AGBL4: variants seen among roughly 807,000 people sequenced by gnomAD.
The protein encoded by AGBL4 is AGBL carboxypeptidase 4, also known as cytosolic carboxypeptidase 6.
AGBL4 carries 58 observed loss-of-function variants against 66.4 expected under a neutral mutation model. That is an observed-to-expected ratio of 0.87 (90% confidence interval 0.71 to 1.09). The LOEUF (loss-of-function observed/expected upper bound fraction) is 1.09. AGBL4 is among the 50% of genes least tolerant of loss of function. AGBL4 has a pLI of 0.00. For missense variants in AGBL4, 579 were observed against 631.0 expected (o/e 0.92, Z 0.88); for synonymous variants, 234 against 222.9 (o/e 1.05, Z -0.44).
intron 3 of AGBL4, among the ~76,000 whole-genome samples, chr1:49,576,959 T>G (rs1571086860): frequency 6.6e-6 from 1 of 152,320 alleles, no homozygotes; most frequent in East Asian, 1.9e-4. Flanking sequence ...TGGGCAGAAC[T>G]TTGAGCAGTG....
intron 3 of AGBL4, among the ~76,000 whole-genome samples, chr1:49,276,821 C>T (rs997467417): frequency 1.3e-5 from 2 of 152,136 alleles, no homozygotes; most frequent in Non-Finnish European, 2.9e-5. Flanking sequence ...AGGTTCTGCA[C>T]CCCACTGGGG....
At chr1:49,697,005 T>C (rs985756617) in intron 3 of AGBL4, among the ~76,000 whole-genome samples, 24 of 152,134 alleles carry the variant, frequency 1.6e-4, no homozygotes, top group African/African-American at 5.1e-4. Context: ...GTAAACATAA[T>C]AGCAAGTCTC....
intron 3 of AGBL4, among the ~76,000 whole-genome samples, chr1:49,274,077 T>A (rs1644117438): frequency 6.6e-6 from 1 of 152,206 alleles, no homozygotes; most frequent in Non-Finnish European, 1.5e-5. Flanking sequence ...TTTGATTATT[T>A]GGGAAACAGC....
At position 48,550,388 on chromosome 1, in the gene AGBL4, A is replaced by T. The variant is rs568367293; in HGVS notation, c.1268-10650T>A. Among the ~76,000 whole-genome samples the T allele has an allele frequency of 3.9e-5, 6 of 152,164 alleles. No individual in the cohort carries two copies. In the South Asian group the frequency reaches 1.2e-3, roughly 32 times the overall value. Reference sequence around the variant, plus strand: ...TTGGCATTCCTTGCTTTGTGATCATATCATTCCCATCTCTGCCCCCATGGT... The same window carrying T: ...TTGGCATTCCTTGCTTTGTGATCATTTCATTCCCATCTCTGCCCCCATGGT... On this transcript the variant is annotated intron_variant, in intron 11 of 13. Coordinates refer to ENST00000371839, the MANE Select transcript of AGBL4 (RefSeq NM_032785.4).
intron 4 of AGBL4, among the ~76,000 whole-genome samples, chr1:49,146,465 A>C (rs1646220300): frequency 6.6e-6 from 1 of 152,232 alleles, no homozygotes. Context: ...GGATCACAGA[A>C]TCCATGTGTC....
chr1:49,474,127 T>C (rs1646802678), intron 3 of AGBL4, among the ~76,000 whole-genome samples: 1 of 152,090 alleles, frequency 6.6e-6, no homozygotes, highest in African/African-American at 2.4e-5. Context: ...TTTAGTTCCA[T>C]ATGAACTTTA....
chr1:49,934,986 A>G (rs1653793943), intron 1 of AGBL4, among the ~76,000 whole-genome samples: 1 of 152,202 alleles, frequency 6.6e-6, no homozygotes, highest in African/African-American at 2.4e-5. Context: ...TGGGCACAGG[A>G]CAGTGGGTGC....
At chr1:49,971,438 C>T (rs1307761808) in intron 1 of AGBL4, among the ~76,000 whole-genome samples, 1 of 151,962 alleles carries the variant, frequency 6.6e-6, no homozygotes, top group East Asian at 1.9e-4. Context: ...GCTGGTAATT[C>T]AGATAAAAAG....
chr1:49,733,072 A>G (rs1649579903), intron 2 of AGBL4, among the ~76,000 whole-genome samples: 1 of 152,212 alleles, frequency 6.6e-6, no homozygotes, highest in Non-Finnish European at 1.5e-5. Flanking sequence ...AAAGAACCCC[A>G]ATAAGATTAA....
chr1:48,682,348 C>T (rs1381531234), intron 6 of AGBL4, among the ~76,000 whole-genome samples: 1 of 152,150 alleles, frequency 6.6e-6, no homozygotes, highest in Non-Finnish European at 1.5e-5. Flanking sequence ...GGAAAAGACT[C>T]CCTCAGTTTT....
intron 4 of AGBL4, among the ~76,000 whole-genome samples, chr1:49,088,538 A>G (rs1375691650): frequency 6.6e-6 from 1 of 152,198 alleles, no homozygotes; most frequent in Non-Finnish European, 1.5e-5. Flanking sequence ...ATTGAATTCA[A>G]CAAGAAGTTC....
At chr1:49,845,358 T>G (rs1646112671) in intron 2 of AGBL4, 1 of 1,421,242 alleles carries the variant, frequency 7.0e-7, no homozygotes, top group Admixed American at 1.7e-5. Flanking sequence ...AATCCTTCAG[T>G]TTTATGTCCT....
intron 2 of AGBL4, among the ~76,000 whole-genome samples, chr1:49,784,031 T>C (rs1644395761): frequency 6.6e-6 from 1 of 152,116 alleles, no homozygotes; most frequent in Non-Finnish European, 1.5e-5. Context: ...CTCATGGTCA[T>C]AGATCAAAAG....
chr1:49,425,293 G>A (rs1191309852), intron 3 of AGBL4, among the ~76,000 whole-genome samples: 1 of 151,986 alleles, frequency 6.6e-6, no homozygotes, highest in East Asian at 1.9e-4. Context: ...GTTAAAGAAA[G>A]GACCAAATTG....
chr1:49,795,534 C>G (rs904584505), intron 2 of AGBL4, among the ~76,000 whole-genome samples: 1 of 151,684 alleles, frequency 6.6e-6, no homozygotes, highest in East Asian at 1.9e-4. Flanking sequence ...CTGAAGTATT[C>G]CAGAGTTATG....
intron 2 of AGBL4, among the ~76,000 whole-genome samples, chr1:49,707,663 T>C (rs1010249464): frequency 6.6e-6 from 1 of 152,086 alleles, no homozygotes; most frequent in Non-Finnish European, 1.5e-5. Flanking sequence ...GTCTCTACAT[T>C]TTGGTATGGT....
chr1:49,824,157 C>T (rs1375114724), intron 2 of AGBL4, among the ~76,000 whole-genome samples: 1 of 152,058 alleles, frequency 6.6e-6, no homozygotes, highest in Non-Finnish European at 1.5e-5. Flanking sequence ...TGCAGTGAGC[C>T]GAGATCGCGC....
chr1:49,486,418 T>A (rs1053011423), intron 3 of AGBL4, among the ~76,000 whole-genome samples: 1 of 151,974 alleles, frequency 6.6e-6, no homozygotes, highest in Admixed American at 6.6e-5. Context: ...ACAAAGAATC[T>A]TAAAAACTCA....
intron 2 of AGBL4, among the ~76,000 whole-genome samples, chr1:49,713,524 G>C (rs1369867470): frequency 6.6e-6 from 1 of 151,848 alleles, no homozygotes; most frequent in East Asian, 1.9e-4. Context: ...AATAGTAGCT[G>C]TAATAAACTA....
Sources: allele counts gnomAD v4.1 joint callset (sites outside exome capture counted in the v4.1 genomes callset), GRCh38; gene constraint gnomAD v4.1.1; transcripts MANE v1.5; gene names NCBI Gene and HGNC (gene_info 2026-07-23, HGNC 2026-07-21).